MRPS28: variants seen among roughly 807,000 people sequenced by gnomAD.
The protein encoded by MRPS28 is mitochondrial ribosomal protein S28.
MRPS28 carries 7 observed loss-of-function variants against 10.8 expected under a neutral mutation model. The observed-to-expected ratio is 0.65, with a 90% CI of 0.37 to 1.22. The LOEUF is 1.22. MRPS28 is among the 50% of genes most tolerant of loss of function. MRPS28 has a pLI of 0.02. For synonymous variants in MRPS28, 121 were observed against 93.3 expected (o/e 1.30, Z -1.71); for missense variants, 265 against 232.9 (o/e 1.14, Z -0.90).
chr8:80,001,739 G>A (rs925067433), intron 2 of MRPS28, among the ~76,000 whole-genome samples: 5 of 152,314 alleles, frequency 3.3e-5, no homozygotes, highest in Middle Eastern at 3.4e-3. Flanking sequence ...ATGCCAGGGA[G>A]CACAGTCTTT....
At chr8:79,933,854 T>C (rs555677119) in intron 2 of MRPS28, among the ~76,000 whole-genome samples, 1 of 152,348 alleles carries the variant, frequency 6.6e-6, no homozygotes, top group South Asian at 2.1e-4. Context: ...TTCCTTTGAC[T>C]ATCTTAGCCT....
intron 2 of MRPS28, among the ~76,000 whole-genome samples, chr8:79,973,916 CTTATT>C (rs1398377194): frequency 1.3e-5 from 2 of 151,530 alleles, no homozygotes; most frequent in Admixed American, 6.6e-5. Context: ...ATCTAAACCT[CTTATT>C]TTATTATTTT....
intron 2 of MRPS28, among the ~76,000 whole-genome samples, chr8:79,931,450 A>C (rs560851936): frequency 3.5e-4 from 53 of 152,316 alleles, no homozygotes; most frequent in Middle Eastern, 3.4e-3. Context: ...GGTGGGAACT[A>C]ATTAAAACTA....
intron 1 of MRPS28, among the ~76,000 whole-genome samples, chr8:80,003,713 G>A (rs921312394): frequency 6.6e-6 from 1 of 152,152 alleles, no homozygotes. Flanking sequence ...AAAACGCAAG[G>A]GGTCAGGGAA....
At chr8:80,025,295 C>T (rs1310229937) in intron 1 of MRPS28, among the ~76,000 whole-genome samples, 3 of 152,032 alleles carry the variant, frequency 2.0e-5, no homozygotes, top group Non-Finnish European at 4.4e-5. Flanking sequence ...CTTTAATTGT[C>T]GAATATCAAG....
intron 1 of MRPS28, among the ~76,000 whole-genome samples, chr8:80,023,000 T>G (rs1264055282): frequency 2.0e-5 from 3 of 152,242 alleles, no homozygotes; most frequent in Admixed American, 1.3e-4. Context: ...ATAGTACTGC[T>G]TATAAGCATG....
intron 2 of MRPS28, among the ~76,000 whole-genome samples, chr8:79,986,530 T>A (rs1357042993): frequency 2.0e-5 from 3 of 151,794 alleles, no homozygotes; most frequent in African/African-American, 7.2e-5. Context: ...AAAACCCCGT[T>A]GTCTCAGCCC....
chr8:79,986,567 T>C (rs1330393220), intron 2 of MRPS28, among the ~76,000 whole-genome samples: 2 of 152,204 alleles, frequency 1.3e-5, no homozygotes, highest in African/African-American at 4.8e-5. Flanking sequence ...GATAAGAAAC[T>C]TCAGCAAAGT....
chr8:80,008,755 C>T (rs1447128993), intron 1 of MRPS28, among the ~76,000 whole-genome samples: 2 of 152,156 alleles, frequency 1.3e-5, no homozygotes, highest in African/African-American at 4.8e-5. Flanking sequence ...GAATGGTGAT[C>T]ATTAAAAAGT....
chr8:79,922,302 G>C (rs865914372), intron 2 of MRPS28, among the ~76,000 whole-genome samples: 3 of 152,112 alleles, frequency 2.0e-5, no homozygotes, highest in Non-Finnish European at 4.4e-5. Flanking sequence ...TGAACACCTT[G>C]AAGTAGAGAG....
intron 2 of MRPS28, among the ~76,000 whole-genome samples, chr8:79,973,576 C>T (rs1003073322): frequency 6.6e-6 from 1 of 152,102 alleles, no homozygotes; most frequent in Admixed American, 6.5e-5. Context: ...CCTCAGTCTC[C>T]GGAGTAGCTA....
At chr8:79,932,241 A>C (rs1015765010) in intron 2 of MRPS28, among the ~76,000 whole-genome samples, 1 of 152,172 alleles carries the variant, frequency 6.6e-6, no homozygotes, top group Non-Finnish European at 1.5e-5. Flanking sequence ...AAAACAACCA[A>C]ATCAAATAGG....
chr8:80,007,871 C>T (rs1230308957), intron 1 of MRPS28, among the ~76,000 whole-genome samples: 3 of 152,070 alleles, frequency 2.0e-5, no homozygotes, highest in African/African-American at 7.2e-5. Flanking sequence ...AGATTCAATG[C>T]CATCCCCATC....
chr8:79,964,647 G>C (rs911959548), intron 2 of MRPS28, among the ~76,000 whole-genome samples: 1 of 151,764 alleles, frequency 6.6e-6, no homozygotes, highest in Admixed American at 6.6e-5. Flanking sequence ...TGAAATGCTC[G>C]CCCATTTCTT....
chr8:79,958,861 A>G (rs1178102306), intron 2 of MRPS28, among the ~76,000 whole-genome samples: 1 of 152,176 alleles, frequency 6.6e-6, no homozygotes, highest in Non-Finnish European at 1.5e-5. Context: ...ACTTAAATTA[A>G]GCAAATTATA....
At chr8:79,972,408 G>A (rs1164710918) in intron 2 of MRPS28, among the ~76,000 whole-genome samples, 1 of 152,120 alleles carries the variant, frequency 6.6e-6, no homozygotes, top group Non-Finnish European at 1.5e-5. Flanking sequence ...CACTTGTATT[G>A]TTTCCACATT....
chr8:79,923,159 T>C (rs555247140), intron 2 of MRPS28, among the ~76,000 whole-genome samples: 1 of 152,204 alleles, frequency 6.6e-6, no homozygotes, highest in Middle Eastern at 3.2e-3. Context: ...TTTGACATCA[T>C]AGGTAATATT....
At chr8:79,983,806 C>T (rs1448849020) in intron 2 of MRPS28, among the ~76,000 whole-genome samples, 1 of 152,158 alleles carries the variant, frequency 6.6e-6, no homozygotes, top group Non-Finnish European at 1.5e-5. Flanking sequence ...GATTGGTGTA[C>T]CTGAAAGTGA....
At chr8:79,982,913 T>A (rs1808011544) in intron 2 of MRPS28, among the ~76,000 whole-genome samples, 1 of 146,892 alleles carries the variant, frequency 6.8e-6, no homozygotes, top group Non-Finnish European at 1.5e-5. Flanking sequence ...AAGAGAGCAG[T>A]GGTTCTCCCA....
Sources: gnomAD v4.1 joint callset for allele counts (sites outside exome capture counted in the v4.1 genomes callset) on GRCh38, gnomAD v4.1.1 for gene constraint, MANE v1.5 for transcripts, NCBI Gene and HGNC (gene_info 2026-07-23, HGNC 2026-07-21) for gene names.